The following SHISA6 variants were observed in gnomAD, a reference collection of about 807,000 sequenced individuals.
SHISA6 encodes the protein shisa family member 6.
A neutral mutation model predicts 47.9 loss-of-function variants in SHISA6; 22 were observed. The observed-to-expected ratio is 0.46, with a 90% CI of 0.33 to 0.66. The LOEUF is 0.66. Among genes scored for constraint, SHISA6 ranks in the 30% least tolerant of loss-of-function variants. The pLI, the probability that SHISA6 is intolerant of heterozygous loss-of-function variation, is 0.02. For synonymous variants in SHISA6, 388 were observed against 337.8 expected, an observed-to-expected ratio of 1.15 and a Z score of -1.63; for missense variants, 680 against 764.6, an observed-to-expected ratio of 0.89 and a Z score of 1.30.
chr17:11,248,706 G>A (rs1907684666), intron 1 of SHISA6, among the ~76,000 whole-genome samples: 1 of 152,072 alleles, frequency 6.6e-6, no homozygotes, highest in African/African-American at 2.4e-5. Flanking sequence ...TTTCTTAAGG[G>A]CAATAACCTA....
At chr17:11,305,551 G>A (rs1421017970) in intron 2 of SHISA6, among the ~76,000 whole-genome samples, 3 of 152,214 alleles carry the variant, frequency 2.0e-5, no homozygotes, top group Non-Finnish European at 4.4e-5. Flanking sequence ...CGCTTGGGAT[G>A]ACACACTCAA....
At chr17:11,555,719 C>T in intron 4 of SHISA6, 21 bp from the exon 5 acceptor site, 1 of 1,514,484 alleles carries the variant, frequency 6.6e-7, no homozygotes, top group Non-Finnish European at 8.8e-7. Context: ...TAATACAAAA[C>T]ACCCCTCCCT....
At chr17:11,484,200 T>A (rs1013392199) in intron 3 of SHISA6, among the ~76,000 whole-genome samples, 5 of 152,168 alleles carry the variant, frequency 3.3e-5, no homozygotes, top group African/African-American at 4.8e-5. Context: ...TAGGAGAGCA[T>A]AATTGATCAT....
intron 3 of SHISA6, among the ~76,000 whole-genome samples, chr17:11,436,921 C>T (rs895877420): frequency 6.6e-6 from 1 of 152,150 alleles, no homozygotes; most frequent in East Asian, 1.9e-4. Flanking sequence ...ATTATGGCTA[C>T]CACCCAACTA....
intron 2 of SHISA6, among the ~76,000 whole-genome samples, chr17:11,266,689 A>G (rs932045036): frequency 6.6e-6 from 1 of 152,230 alleles, no homozygotes; most frequent in Non-Finnish European, 1.5e-5. Flanking sequence ...TGACCAGGCT[A>G]TGAAGGCACA....
At chr17:11,362,668 T>C (rs1912327261) in intron 2 of SHISA6, among the ~76,000 whole-genome samples, 1 of 152,244 alleles carries the variant, frequency 6.6e-6, no homozygotes, top group South Asian at 2.1e-4. Context: ...AATTTTCTCA[T>C]GTGCCATATG....
intron 3 of SHISA6, among the ~76,000 whole-genome samples, chr17:11,453,150 C>T (rs574697255): frequency 3.3e-5 from 5 of 152,162 alleles, no homozygotes; most frequent in African/African-American, 4.8e-5. Flanking sequence ...TTGGAAGAGG[C>T]CCAGGGATGT....
At chr17:11,420,805 A>C (rs993764326) in intron 3 of SHISA6, among the ~76,000 whole-genome samples, 2 of 152,188 alleles carry the variant, frequency 1.3e-5, no homozygotes, top group African/African-American at 4.8e-5. Context: ...GGAACCAGTC[A>C]ATTGGCTAAG....
At chr17:11,301,080 A>G (rs1051554116) in intron 2 of SHISA6, among the ~76,000 whole-genome samples, 5 of 152,176 alleles carry the variant, frequency 3.3e-5, no homozygotes, top group African/African-American at 1.2e-4. Flanking sequence ...TCCCGTGCTC[A>G]GCTTCACTGT....
At chr17:11,353,074 A>G (rs1218964347) in intron 2 of SHISA6, among the ~76,000 whole-genome samples, 1 of 151,970 alleles carries the variant, frequency 6.6e-6, no homozygotes, top group African/African-American at 2.4e-5. Context: ...ACCACTTTTC[A>G]TGTTTCTTTC....
intron 3 of SHISA6, among the ~76,000 whole-genome samples, chr17:11,433,991 G>T (rs998893659): frequency 1.3e-5 from 2 of 151,968 alleles, no homozygotes; most frequent in Non-Finnish European, 2.9e-5. Flanking sequence ...CACATTGCCC[G>T]CAGCATGCCC....
In SHISA6 at chr17:11,379,443, G is replaced by A; in HGVS notation, c.829G>A (p.Gly277Arg). 1 of 1,541,452 alleles carries A rather than the reference G, an allele frequency of 6.5e-7. No individual in the cohort carries two copies. The highest frequency in any genetic ancestry group is 8.8e-7 in the Non-Finnish European group (1 of 1,142,740). ...TTATGGGAAGGATGCTTACCGAAGTGGAGGACCTGATCTCCATAACTTCAT... is the reference window on the plus strand; with the variant it reads ...TTATGGGAAGGATGCTTACCGAAGTAGAGGACCTGATCTCCATAACTTCAT... ...GHYGKDAYRS[G>R]GPDLHNFISS... Residue 277 changes from glycine to arginine, a missense_variant, in exon 3 of 6, where the codon GGA (glycine) becomes AGA (arginine). Physicochemically the swap from Gly to Arg is moderately radical, Grantham distance 125. Transcript: ENST00000441885.
chr17:11,353,348 T>A (rs1911959097), intron 2 of SHISA6, among the ~76,000 whole-genome samples: 1 of 151,068 alleles, frequency 6.6e-6, no homozygotes, highest in African/African-American at 2.4e-5. Flanking sequence ...TCCCAGCTAC[T>A]CGGGAGGCTG....
chr17:11,423,348 TAG>T (rs1259753168), intron 3 of SHISA6, among the ~76,000 whole-genome samples: 5 of 149,652 alleles, frequency 3.3e-5, no homozygotes, highest in Admixed American at 1.3e-4. Context: ...GATAGATAGA[TAG>T]ATAGATAGAT....
At chr17:11,547,289 A>T (rs1004594181) in intron 3 of SHISA6, among the ~76,000 whole-genome samples, 1 of 152,240 alleles carries the variant, frequency 6.6e-6, no homozygotes, top group South Asian at 2.1e-4. Context: ...CTCATAAAAC[A>T]TTTACAAAAA....
At chr17:11,343,917 G>A (rs1374571147) in intron 2 of SHISA6, among the ~76,000 whole-genome samples, 1 of 152,198 alleles carries the variant, frequency 6.6e-6, no homozygotes, top group African/African-American at 2.4e-5. Flanking sequence ...TCGAACTCCT[G>A]ACTTCAAGTG....
At chr17:11,268,867 C>T (rs1403299538) in intron 2 of SHISA6, among the ~76,000 whole-genome samples, 1 of 152,128 alleles carries the variant, frequency 6.6e-6, no homozygotes, top group African/African-American at 2.4e-5. Flanking sequence ...AGCACAGATG[C>T]TGGTTATGCA....
chr17:11,508,344 G>A (rs537498442), intron 3 of SHISA6, among the ~76,000 whole-genome samples: 1 of 141,998 alleles, frequency 7.0e-6, no homozygotes, highest in Non-Finnish European at 1.6e-5. Context: ...CATGGCAGAA[G>A]ACAGAAGGGT....
At chr17:11,360,402 A>T (rs943649646) in intron 2 of SHISA6, among the ~76,000 whole-genome samples, 5 of 152,062 alleles carry the variant, frequency 3.3e-5, no homozygotes, top group African/African-American at 1.2e-4. Flanking sequence ...TACTACAAAA[A>T]TACAAAAATT....
Sources: allele counts gnomAD v4.1 joint callset (sites outside exome capture counted in the v4.1 genomes callset), GRCh38; gene constraint gnomAD v4.1.1; transcripts MANE v1.5; gene names NCBI Gene and HGNC (gene_info 2026-07-23, HGNC 2026-07-21).